Variants in MTMR11 observed in about 807,000 individuals in gnomAD.
The protein encoded by MTMR11 is myotubularin related protein 11, also known as myotubularin-related protein 11.
In MTMR11, 89 loss-of-function variants were observed where a neutral mutation model predicts 100.0. The observed-to-expected ratio is 0.89, with a 90% CI of 0.75 to 1.06. MTMR11 has a LOEUF of 1.06. MTMR11 is among the 50% of genes least tolerant of loss of function. The probability of loss-of-function intolerance (pLI) is 0.00; values close to 1 mark genes in which losing one functional copy is unlikely to be tolerated. For synonymous variants in MTMR11, 336 were observed against 326.3 expected (o/e 1.03, Z -0.32); for missense variants, 809 against 873.7 (o/e 0.93, Z 0.93).
chr1:149,936,467 G>A, intron 1 of MTMR11, 115 bp downstream of exon 1: 1 of 1,315,726 alleles, frequency 7.6e-7, no homozygotes, highest in Non-Finnish European at 1.0e-6. Flanking sequence ...AGCAGAAGCT[G>A]ATAGACAGAC....
At position 149,929,242 on chromosome 1, in the gene MTMR11, T is replaced by A; in HGVS notation, c.2017A>T (p.Thr673Ser). The change falls in exon 17 of 17, where the codon ACA becomes TCA. Residue 673 changes from threonine to serine, a missense_variant. Transcript: ENST00000439741. ...SHLQELLRKW[T>S]PRISPEDHSK... Reference sequence around the variant, plus strand: ...TGATCCTCAGGAGATATTCTTGGTGTCCATTTCCGTAATAACTCCTGAAGA... The same window carrying A: ...TGATCCTCAGGAGATATTCTTGGTGACCATTTCCGTAATAACTCCTGAAGA... The A allele has an allele frequency of 2.5e-6, 4 of 1,614,148 alleles. No homozygotes were observed. Among genetic ancestry groups the A allele is most frequent in the Non-Finnish European group, 3.4e-6 (4 of 1,180,030 alleles).
At chr1:149,935,804 G>T (rs1236923924) in intron 2 of MTMR11, 99 bp from the exon 3 acceptor site, 1 of 1,376,846 alleles carries the variant, frequency 7.3e-7, no homozygotes, top group Non-Finnish European at 9.7e-7. Context: ...AAATAGGGAA[G>T]ATTAAAATCC....
At chr1:149,935,893 A>C (rs2092715383) in intron 2 of MTMR11, among the ~76,000 whole-genome samples, 188 bp from the exon 3 acceptor site, 1 of 152,248 alleles carries the variant, frequency 6.6e-6, no homozygotes, top group Non-Finnish European at 1.5e-5. Flanking sequence ...CAGAGCCTAG[A>C]ACAAGGCCTG....
chr1:149,936,525 C>A lies in MTMR11; in HGVS notation c.66+57G>T, dbSNP rs2092724554. ...GAGCCTTTGCTTCCCCCTTTTATCTCCACCTCATCCCCGTTCTCACCCTCT... is the reference window on the plus strand; with the variant it reads ...GAGCCTTTGCTTCCCCCTTTTATCTACACCTCATCCCCGTTCTCACCCTCT... On this transcript the variant is annotated intron_variant, in intron 1 of 16. Coordinates refer to ENST00000439741, the MANE Select transcript of MTMR11 (RefSeq NM_001145862.2). The A allele has an allele frequency of 6.0e-6, 8 of 1,342,992 alleles. No homozygotes were observed. In the South Asian group the frequency reaches 1.0e-4, roughly 17 times the overall value. The allele number at this position is 1,342,992 out of a possible 1,614,324, so 83.2% of individuals were successfully genotyped here.
At chr1:149,932,092 G>A in intron 11 of MTMR11, 78 bp from the exon 12 acceptor site, 1 of 1,443,932 alleles carries the variant, frequency 6.9e-7, no homozygotes, top group Non-Finnish European at 9.7e-7. Context: ...GTCATGGGAT[G>A]GAATAAGGCC....
Position 149,929,811 on chromosome 1 carries a change from G to A in MTMR11, c.1753C>T (p.Leu585=), listed in dbSNP as rs1271030102. Residue 585 remains leucine (L), a synonymous_variant, in exon 16 of 17, where the codon CTG becomes TTG. Transcript: ENST00000439741. The part of the protein sequence containing the change: ...LCPWRDSPSL[L]AVSSRWLPRP... ...GGGAGCCAACGAGAAGAGACTGCCA[G>A]CAGGGAAGGACTGTCCCGCCAAGGA... The A allele has an allele frequency of 6.2e-7, 1 of 1,614,196 alleles. No homozygotes were observed. The highest frequency in any genetic ancestry group is 1.1e-5 in the South Asian group (1 of 91,082).
rs587637306 is a variant in MTMR11 at position 149,931,140 on chromosome 1, C to A, written c.1290+120G>T. 7 of 1,441,294 alleles carry A rather than the reference C, an allele frequency of 4.9e-6. No individual in the cohort carries two copies. The African/African-American group carries it at 1.0e-4, about 21-fold the overall frequency. 89.3% of individuals were successfully genotyped at this position (1,441,294 alleles called of 1,614,324 possible). Reference sequence around the variant, plus strand: ...AGGCCTCACTCATCAGGATCTTCGTCCCAGCCTAACCTCGGGGCCCTTCTG... The same window carrying A: ...AGGCCTCACTCATCAGGATCTTCGTACCAGCCTAACCTCGGGGCCCTTCTG... On this transcript the variant is annotated intron_variant, in intron 13 of 16. Transcript: ENST00000439741.
Position 149,933,434 on chromosome 1 carries a change from G to A in MTMR11, c.957C>T (p.His319=), listed in dbSNP as rs782073735. Residue 319 remains histidine (H), a synonymous_variant, in exon 10 of 17, where the codon CAC becomes CAT. Coordinates refer to ENST00000439741, the MANE Select transcript of MTMR11 (RefSeq NM_001145862.2). ...GCAGGCAGAGGGCCCTCAGCCTCAG[G>A]TGGGCAAGTTGGACATCTGCAAGGC... ...LPSLADVQLA[H]LRLRALCLPD... is the part of the protein sequence containing the mutation. The A allele has an allele frequency of 2.5e-6, 4 of 1,614,156 alleles. No homozygotes were observed. The Admixed American group carries it at 5.0e-5, about 20-fold the overall frequency.
chr1:149,930,082 T>G (rs781983458), intron 15 of MTMR11, 166 bp from the exon 16 acceptor site: 12 of 793,212 alleles, frequency 1.5e-5, no homozygotes, highest in Non-Finnish European at 2.4e-5. Context: ...AGGCTTCAAC[T>G]AGGCCTCGGG....
chr1:149,934,881 G>A, intron 5 of MTMR11, 105 bp downstream of exon 5: 2 of 1,352,578 alleles, frequency 1.5e-6, no homozygotes, highest in South Asian at 1.4e-5. Flanking sequence ...GAAGCAGGGG[G>A]AATGATGAGA....
rs2092685844 is a variant in MTMR11, at chr1:149,933,440, A to G, written c.951T>C (p.Leu317=). The G allele has an allele frequency of 1.9e-6, 3 of 1,614,158 alleles. No individual in the cohort carries two copies. Among genetic ancestry groups the G allele is most frequent in the East Asian group, 2.2e-5 (1 of 44,868 alleles). ...AGAGGGCCCTCAGCCTCAGGTGGGC[A>G]AGTTGGACATCTGCAAGGCTGGGCA... ...DELPSLADVQ[L]AHLRLRALCL... The change falls in exon 10 of 17, where the codon CTT becomes CTC. Residue 317 remains leucine (L), a synonymous_variant. Coordinates refer to ENST00000439741, the MANE Select transcript of MTMR11 (RefSeq NM_001145862.2).
intron 16 of MTMR11, 94 bp from the exon 17 acceptor site, chr1:149,929,411 C>T: frequency 7.7e-7 from 1 of 1,305,260 alleles, no homozygotes; most frequent in Non-Finnish European, 1.1e-6. Context: ...TTCTGTTTCC[C>T]CTTTCAGCTA....
intron 10 of MTMR11, among the ~76,000 whole-genome samples, chr1:149,933,057 G>C (rs914287321): frequency 1.1e-4 from 16 of 148,656 alleles, no homozygotes; most frequent in African/African-American, 4.0e-4. Context: ...AGCGATTCTT[G>C]TGCCTCAGCC....
In MTMR11 at chr1:149,931,420, C is replaced by T. The variant is rs782070877; in HGVS notation, c.1130G>A (p.Gly377Asp). ...GAGGAGGCCATTGAGATCACGATCA[C>T]CGCGCTCTGGGTGATAAAGAGGAAG... ...RVRSVILQER[G>D]DRDLNGLLSS... The change falls in exon 13 of 17, where the codon GGT (glycine) becomes GAT (aspartate). Residue 377 changes from glycine to aspartate, a missense_variant. Gly to Asp is a moderately conservative substitution (Grantham distance 94). Transcript: ENST00000439741. 1.3e-6 allele frequency: 2 copies of T among 1,597,892 alleles called. No individual in the cohort carries two copies. The highest frequency in any genetic ancestry group is 2.7e-5 in the African/African-American group (2 of 74,234).
At chr1:149,933,363 C>G (rs1264408131) in intron 10 of MTMR11, 43 bp downstream of exon 10, 2 of 1,609,748 alleles carry the variant, frequency 1.2e-6, no homozygotes, top group African/African-American at 1.3e-5. Flanking sequence ...CTCAGCAGAC[C>G]TAGGGGTGAG....
At position 149,931,309 on chromosome 1, in the gene MTMR11, G is replaced by C. The variant is rs1553767590; in HGVS notation, c.1241C>G (p.Ala414Gly). 1 of 1,614,126 alleles carries C rather than the reference G, an allele frequency of 6.2e-7. No homozygotes were observed. Among genetic ancestry groups the C allele is most frequent in the Non-Finnish European group, 8.5e-7 (1 of 1,180,024 alleles). The stretch of plus-strand genomic sequence containing the variant: ...AAGCCGAGTCAGGAAGGGATGTCCA[G>C]CTGCCACCCACTCTCGCTGTACTAG... ...QSLVQREWVA[A>G]GHPFLTRLGG... Residue 414 changes from alanine (A) to glycine (G), a missense_variant, in exon 13 of 17, where the codon GCT (alanine) becomes GGT (glycine). Physicochemically the swap from Ala to Gly is moderately conservative, Grantham distance 60 (BLOSUM62 0). Coordinates refer to ENST00000439741, the MANE Select transcript of MTMR11 (RefSeq NM_001145862.2).
chr1:149,930,845 TG>T lies in MTMR11; in HGVS notation c.1410del (p.Asp470GlufsTer6). 6.2e-7 allele frequency: 1 copy of T among 1,607,326 alleles called. No homozygotes were observed. Among genetic ancestry groups the T allele is most frequent in the Non-Finnish European group, 8.5e-7 (1 of 1,177,672 alleles). ...GGGGTATTTCTCAGGAAGGTAAGGG[TG>T]TCAGGAACCCTGACACTGTCATGAA... ...LALHDSVRVP[D>X]TLTFLRNTPW... is the part of the protein sequence containing the mutation. On this transcript the variant is annotated frameshift_variant, in exon 14 of 17. Coordinates refer to ENST00000439741, the MANE Select transcript of MTMR11 (RefSeq NM_001145862.2). LOFTEE classifies it high-confidence loss of function.
chr1:149,935,566 T>C lies in MTMR11; in HGVS notation c.264+18A>G. The C allele has an allele frequency of 6.2e-7, 1 of 1,611,494 alleles. No homozygotes were observed. Reference sequence around the variant, plus strand: ...CATTTCCCACTAGCTGTCATTTCTGTGGCCCCAACCATCTCACCTGATTCC... The same window carrying C: ...CATTTCCCACTAGCTGTCATTTCTGCGGCCCCAACCATCTCACCTGATTCC... On this transcript the variant is annotated intron_variant, in intron 3 of 16. Coordinates refer to ENST00000439741, the MANE Select transcript of MTMR11 (RefSeq NM_001145862.2).
Position 149,930,772 on chromosome 1 carries a change from C to A in MTMR11, c.1464+20G>T. ...TCTCAATGGAAAAAAAAACACGAGT[C>A]AAAAATAGAAGTCACTGACCTGTCC... On this transcript the variant is annotated intron_variant, in intron 14 of 16. Coordinates refer to ENST00000439741, the MANE Select transcript of MTMR11 (RefSeq NM_001145862.2). 3.9e-6 allele frequency: 6 copies of A among 1,529,562 alleles called. No homozygotes were observed. In the South Asian group the frequency reaches 7.7e-5, roughly 20 times the overall value. 94.7% of individuals were successfully genotyped at this position (1,529,562 alleles called of 1,614,324 possible).
Sources: allele counts gnomAD v4.1 joint callset (sites outside exome capture counted in the v4.1 genomes callset), GRCh38; gene constraint gnomAD v4.1.1; transcripts MANE v1.5; gene names NCBI Gene and HGNC (gene_info 2026-07-23, HGNC 2026-07-21).